The following ARHGAP21 variants were observed in gnomAD, a reference collection of about 807,000 sequenced individuals.
The protein encoded by ARHGAP21 is rho GTPase-activating protein 21.
ARHGAP21 carries 38 observed loss-of-function variants against 164.6 expected under a neutral mutation model. The ratio of observed to expected loss-of-function variants is 0.23; its 90% CI spans 0.18 to 0.30. ARHGAP21 has a LOEUF of 0.30. Among genes scored for constraint, ARHGAP21 ranks in the 10% least tolerant of loss-of-function variants. The pLI, the probability that ARHGAP21 is intolerant of heterozygous loss-of-function variation, is 1.00. For missense variants in ARHGAP21, 1,822 were observed against 2,370.7 expected, an observed-to-expected ratio of 0.77 and a Z score of 4.81; for synonymous variants, 766 against 857.9, an observed-to-expected ratio of 0.89 and a Z score of 1.87.
At chr10:24,641,800 C>A (rs1837055052) in intron 4 of ARHGAP21, among the ~76,000 whole-genome samples, 1 of 151,896 alleles carries the variant, frequency 6.6e-6, no homozygotes, top group Non-Finnish European at 1.5e-5. Context: ...TCAAGACCAG[C>A]CTGGCTAAGA....
intron 11 of ARHGAP21, 49 bp from the exon 12 acceptor site, chr10:24,604,397 C>G (rs776769324): frequency 3.1e-6 from 4 of 1,289,718 alleles, no homozygotes; most frequent in Non-Finnish European, 4.4e-6. Context: ...CAAAAAAAAT[C>G]TTAAAGATGT....
In ARHGAP21 at chr10:24,594,947, T is replaced by C; in HGVS notation, c.3876+3A>G. ...ACATTTCTTCAATAAGCATTTTACA[T>C]ACCTTATTTTTTTCTGAATTTTCTG... On this transcript the variant is annotated splice_donor_region_variant and intron_variant, in intron 21 of 25. Coordinates refer to ENST00000396432, the MANE Select transcript of ARHGAP21 (RefSeq NM_020824.4). The C allele has an allele frequency of 6.3e-7, 1 of 1,597,908 alleles. No individual in the cohort carries two copies. Among genetic ancestry groups the C allele is most frequent in the Non-Finnish European group, 8.6e-7 (1 of 1,168,406 alleles).
rs1170372061 is a variant in ARHGAP21, at chr10:24,584,804, C to A, written c.5485G>T (p.Glu1829Ter). Residue 1829 changes from glutamate (E) to a stop codon, truncating the protein, a stop_gained, in exon 26 of 26, where the codon GAA becomes TAA. Coordinates refer to ENST00000396432, the MANE Select transcript of ARHGAP21 (RefSeq NM_020824.4). LOFTEE classifies it low-confidence loss of function (END_TRUNC). ...WKVHEQSGER[E>*]SELSAVNRLK... ...CGGTTTACAGCTGAAAGTTCAGATT[C>A]TCTCTCCCCGCTCTGCTCATGCACT... 20 of 1,613,840 alleles carry A rather than the reference C, an allele frequency of 1.2e-5. No homozygotes were observed. Among genetic ancestry groups the A allele is most frequent in the Non-Finnish European group, 1.7e-5 (20 of 1,179,882 alleles).
chr10:24,590,548 G>A, intron 24 of ARHGAP21: 1 of 1,505,506 alleles, frequency 6.6e-7, no homozygotes, highest in Non-Finnish European at 8.8e-7. Context: ...ACTAAAACAA[G>A]AACTAGAGAC....
Position 24,607,489 on chromosome 10 carries a change from C to T in ARHGAP21, c.2684+10G>A, listed in dbSNP as rs144285531. 17 of 1,608,510 alleles carry T rather than the reference C, an allele frequency of 1.1e-5. No individual in the cohort carries two copies. The highest frequency in any genetic ancestry group is 5.3e-5 in the African/African-American group (4 of 74,834). ...ATACAAATATTTAAAATAATACACC[C>T]GAGACTTACAATTTTGCATCTTCTC... On this transcript the variant is annotated intron_variant, in intron 11 of 25. Coordinates refer to ENST00000396432, the MANE Select transcript of ARHGAP21 (RefSeq NM_020824.4).
At position 24,595,995 on chromosome 10, in the gene ARHGAP21, C is replaced by T; in HGVS notation, c.3526G>A (p.Gly1176Ser). The change falls in exon 18 of 26, where the codon GGT becomes AGT. Residue 1176 changes from glycine (G) to serine (S), a missense_variant. Around this residue, in one of 5 missense-constraint regions of ARHGAP21, gnomAD observed 117 missense variants for 238.1 expected, o/e 0.49. Transcript: ENST00000396432. ...CTATAAATACCTGTATATTCAAGAC[C>T]TCTTTCTTCAACTAATTTGCAACAT... ...DICCKLVEERGLEYTGIYRVP... is the reference protein window; with the variant it reads ...DICCKLVEERSLEYTGIYRVP... The T allele has an allele frequency of 6.2e-7, 1 of 1,610,744 alleles. No individual in the cohort carries two copies. The highest frequency in any genetic ancestry group is 1.1e-5 in the South Asian group (1 of 90,204).
chr10:24,591,355 T>C, intron 23 of ARHGAP21, 25 bp from the exon 24 acceptor site: 1 of 1,548,926 alleles, frequency 6.5e-7, no homozygotes, highest in Non-Finnish European at 8.9e-7. Context: ...CAAAGATCTC[T>C]TCATCATCTC....
intron 4 of ARHGAP21, among the ~76,000 whole-genome samples, chr10:24,636,365 G>T (rs543180306): frequency 2.0e-4 from 30 of 152,300 alleles, no homozygotes; most frequent in Non-Finnish European, 3.4e-4. Context: ...ATGCAAATTT[G>T]TGGACCCCAC....
At chr10:24,590,314 C>T (rs1318050616) in intron 24 of ARHGAP21, 16 of 1,534,860 alleles carry the variant, frequency 1.0e-5, no homozygotes, top group African/African-American at 2.7e-5. Context: ...AAACTTTACA[C>T]CACAGATCAA....
rs542149527 is a variant in ARHGAP21, at chr10:24,601,862, GT to G, written c.2847+115del. The G allele has an allele frequency of 5.1e-3, 5,317 of 1,042,096 alleles. 18 individuals are homozygous for G. The highest frequency in any genetic ancestry group is 0.011 in the South Asian group (280 of 25,980). The allele number at this position is 1,042,096 out of a possible 1,614,324, so 64.6% of individuals were successfully genotyped here. A position where few individuals can be genotyped will look rare whatever the true frequency, so the allele number is the denominator to read the frequency against. On this transcript the variant is annotated intron_variant, in intron 13 of 25. Coordinates refer to ENST00000396432, the MANE Select transcript of ARHGAP21 (RefSeq NM_020824.4). ...ATGTAGAAAAATCTATTTATAAATG[GT>G]TTTTTTTTTCACTCTTTAATCTGGA...
intron 2 of ARHGAP21, among the ~76,000 whole-genome samples, chr10:24,697,035 C>T (rs1278324355): frequency 1.3e-5 from 2 of 152,156 alleles, no homozygotes; most frequent in African/African-American, 2.4e-5. Flanking sequence ...GTCAATGAAA[C>T]GTAGGAATGA....
intron 4 of ARHGAP21, among the ~76,000 whole-genome samples, chr10:24,662,806 T>C (rs962791853): frequency 2.6e-5 from 4 of 152,214 alleles, no homozygotes; most frequent in African/African-American, 9.6e-5. Context: ...TAAAATTATC[T>C]TATTAGTCTT....
In ARHGAP21 at chr10:24,591,692, T is replaced by TA; in HGVS notation, c.4003-10dup. 6.2e-7 allele frequency: 1 copy of TA among 1,613,696 alleles called. No individual in the cohort carries two copies. Among genetic ancestry groups the TA allele is most frequent in the Non-Finnish European group, 8.5e-7 (1 of 1,179,830 alleles). ...GTGAAAAACCAGTCATGCTAAAATT[T>TA]AAAAAAGGTGAGAAGAGAAATTAAA... On this transcript the variant is annotated splice_polypyrimidine_tract_variant and intron_variant, in intron 22 of 25. Coordinates refer to ENST00000396432, the MANE Select transcript of ARHGAP21 (RefSeq NM_020824.4).
At chr10:24,675,270 ATATG>A (rs1841103344) in intron 2 of ARHGAP21, among the ~76,000 whole-genome samples, 1 of 152,222 alleles carries the variant, frequency 6.6e-6, no homozygotes, top group African/African-American at 2.4e-5. Context: ...ATATGTAGCA[ATATG>A]TTAATTAGGC....
intron 21 of ARHGAP21, among the ~76,000 whole-genome samples, chr10:24,593,525 G>A (rs978170702): frequency 6.6e-6 from 1 of 151,838 alleles, no homozygotes; most frequent in African/African-American, 2.4e-5. Flanking sequence ...GTTTCAGCTG[G>A]TTCCTACATA....
intron 2 of ARHGAP21, among the ~76,000 whole-genome samples, chr10:24,711,139 AGGGAGGGAGGGT>A (rs1486644798): frequency 8.6e-5 from 2 of 23,134 alleles, no homozygotes; most frequent in Non-Finnish European, 1.7e-4. Context: ...GGAAGGAAGG[AGGGAGGGAGGGT>A]GGGAGGGAAA....
chr10:24,608,108 G>A (rs7474901), intron 9 of ARHGAP21, among the ~76,000 whole-genome samples: 74,079 of 151,958 alleles, frequency 0.49, 18,245 homozygotes, highest in Middle Eastern at 0.58. Context: ...AGAATATGGT[G>A]TAAGAAATTA....
intron 21 of ARHGAP21, among the ~76,000 whole-genome samples, chr10:24,594,484 TAAAAAAAA>T (rs1592945748): frequency 6.6e-6 from 1 of 151,686 alleles, no homozygotes; most frequent in East Asian, 1.9e-4. Context: ...TAATATAATT[TAAAAAAAA>T]GAAAAACTGA....
intron 4 of ARHGAP21, among the ~76,000 whole-genome samples, chr10:24,649,033 G>A (rs1837892426): frequency 6.6e-6 from 1 of 152,150 alleles, no homozygotes; most frequent in East Asian, 1.9e-4. Flanking sequence ...GTATGCATAT[G>A]TGTACATGTG....
Sources: gnomAD v4.1 joint callset for allele counts (sites outside exome capture counted in the v4.1 genomes callset) on GRCh38, gnomAD v4.1.1 for gene constraint, gnomAD v4.1.1 regional missense constraint, MANE v1.5 for transcripts, NCBI Gene and HGNC (gene_info 2026-07-23, HGNC 2026-07-21) for gene names.